The following BRINP1 variants were observed in gnomAD, a reference collection of about 807,000 sequenced individuals.
The protein encoded by BRINP1 is BMP/retinoic acid-inducible neural-specific protein 1.
BRINP1 carries 17 observed loss-of-function variants against 72.9 expected under a neutral mutation model. The ratio of observed to expected loss-of-function variants is 0.23; its 90% CI spans 0.16 to 0.35. BRINP1 has a LOEUF of 0.35. Ranked by LOEUF, BRINP1 falls within the 10% of genes least tolerant of loss-of-function variation. The pLI, the probability that BRINP1 is intolerant of heterozygous loss-of-function variation, is 1.00. For synonymous variants in BRINP1, 418 were observed against 378.5 expected, an observed-to-expected ratio of 1.10 and a Z score of -1.21; for missense variants, 850 against 1,001.6, an observed-to-expected ratio of 0.85 and a Z score of 2.04.
chr9:119,269,868 A>C (rs79978270), intron 2 of BRINP1, among the ~76,000 whole-genome samples: 42 of 152,174 alleles, frequency 2.8e-4, no homozygotes, highest in Non-Finnish European at 4.3e-4. Flanking sequence ...AATAAAAAAA[A>C]ATTCACAGGT....
At chr9:119,349,669 G>A (rs115088938) in intron 1 of BRINP1, among the ~76,000 whole-genome samples, 2 of 152,166 alleles carry the variant, frequency 1.3e-5, no homozygotes, top group Non-Finnish European at 2.9e-5. Flanking sequence ...AAGCATCAGT[G>A]CAGTGAATGT....
At chr9:119,201,307 C>G (rs1829802908) in intron 7 of BRINP1, among the ~76,000 whole-genome samples, 2 of 152,302 alleles carry the variant, frequency 1.3e-5, no homozygotes, top group South Asian at 2.1e-4. Flanking sequence ...CTCAAAGATT[C>G]AATTACTGAC....
intron 1 of BRINP1, among the ~76,000 whole-genome samples, chr9:119,331,396 G>A (rs1206938083): frequency 1.3e-5 from 2 of 152,192 alleles, no homozygotes; most frequent in African/African-American, 4.8e-5. Flanking sequence ...GTTGTTTTGG[G>A]TTTTGGATTT....
intron 7 of BRINP1, among the ~76,000 whole-genome samples, chr9:119,171,467 C>T (rs898568146): frequency 2.0e-4 from 30 of 150,272 alleles, no homozygotes; most frequent in Admixed American, 9.3e-4. Context: ...TACAGGAGCA[C>T]CCAGATTCAT....
intron 1 of BRINP1, among the ~76,000 whole-genome samples, chr9:119,352,813 TC>T (rs1305701036): frequency 1.3e-5 from 2 of 152,260 alleles, no homozygotes; most frequent in Admixed American, 6.5e-5. Flanking sequence ...AATTATGAAA[TC>T]CTGCAACTTA....
At chr9:119,344,156 T>A (rs1010282853) in intron 1 of BRINP1, among the ~76,000 whole-genome samples, 4 of 152,170 alleles carry the variant, frequency 2.6e-5, no homozygotes, top group Non-Finnish European at 4.4e-5. Context: ...TGGTTTAACA[T>A]CTCTTAATCT....
At chr9:119,337,505 G>A (rs1315517028) in intron 1 of BRINP1, among the ~76,000 whole-genome samples, 3 of 152,180 alleles carry the variant, frequency 2.0e-5, no homozygotes, top group African/African-American at 7.2e-5. Flanking sequence ...TCAAATACAA[G>A]AACATAGCCA....
intron 1 of BRINP1, among the ~76,000 whole-genome samples, chr9:119,328,603 A>T (rs1392157151): frequency 1.1e-4 from 16 of 152,178 alleles, no homozygotes; most frequent in Admixed American, 1.0e-3. Context: ...TGGACCAGAC[A>T]CTTGGTAATT....
intron 2 of BRINP1, among the ~76,000 whole-genome samples, chr9:119,257,388 G>A (rs1295751420): frequency 6.6e-6 from 1 of 152,166 alleles, no homozygotes; most frequent in Non-Finnish European, 1.5e-5. Flanking sequence ...AACTCCATGA[G>A]GGGCAAACAT....
At chr9:119,250,976 C>G (rs1333875504) in intron 2 of BRINP1, among the ~76,000 whole-genome samples, 1 of 152,130 alleles carries the variant, frequency 6.6e-6, no homozygotes, top group Non-Finnish European at 1.5e-5. Flanking sequence ...GGGTATCTGG[C>G]CGGAATGTGC....
intron 7 of BRINP1, among the ~76,000 whole-genome samples, chr9:119,197,240 T>A (rs1200582661): frequency 6.6e-6 from 1 of 152,182 alleles, no homozygotes; most frequent in Non-Finnish European, 1.5e-5. Context: ...ATCTGAAAAT[T>A]AAAGGATGAA....
At chr9:119,287,494 C>T (rs898206873) in intron 2 of BRINP1, among the ~76,000 whole-genome samples, 14 of 152,238 alleles carry the variant, frequency 9.2e-5, no homozygotes, top group African/African-American at 3.4e-4. Flanking sequence ...TATGATAACT[C>T]AATTGGTGAG....
intron 1 of BRINP1, among the ~76,000 whole-genome samples, chr9:119,355,585 C>T (rs1402684333): frequency 2.6e-5 from 4 of 151,946 alleles, no homozygotes; most frequent in Non-Finnish European, 4.4e-5. Flanking sequence ...AAAAATTAGC[C>T]GGGCGTGGTG....
At chr9:119,267,815 T>C (rs1462578953) in intron 2 of BRINP1, among the ~76,000 whole-genome samples, 2 of 152,152 alleles carry the variant, frequency 1.3e-5, no homozygotes, top group South Asian at 2.1e-4. Context: ...CACAGATAGA[T>C]AGAGAAGAGG....
chr9:119,184,376 A>C (rs1829593271), intron 7 of BRINP1, among the ~76,000 whole-genome samples: 1 of 152,098 alleles, frequency 6.6e-6, no homozygotes, highest in African/African-American at 2.4e-5. Flanking sequence ...CATAAATAGA[A>C]AGAAAGTTCC....
chr9:119,331,029 AAAAAC>A (rs1424180153), intron 1 of BRINP1, among the ~76,000 whole-genome samples: 4 of 152,240 alleles, frequency 2.6e-5, no homozygotes, highest in Non-Finnish European at 5.9e-5. Context: ...TCCATCTCAA[AAAAAC>A]AAAACAACAG....
At chr9:119,214,271 G>A in intron 5 of BRINP1, 116 bp from the exon 6 acceptor site, 1 of 750,850 alleles carries the variant, frequency 1.3e-6, no homozygotes, top group Non-Finnish European at 2.2e-6. Context: ...CCTGTGTATT[G>A]GAACCAATAT....
At chr9:119,196,146 A>G (rs1829735687) in intron 7 of BRINP1, among the ~76,000 whole-genome samples, 1 of 152,178 alleles carries the variant, frequency 6.6e-6, no homozygotes, top group South Asian at 2.1e-4. Flanking sequence ...AGATGTGACC[A>G]TATTTAAGGC....
intron 2 of BRINP1, 115 bp from the exon 3 acceptor site, chr9:119,249,265 T>G: frequency 1.1e-6 from 1 of 906,494 alleles, no homozygotes; most frequent in Non-Finnish European, 1.6e-6. Flanking sequence ...CCTACAATTT[T>G]AATATGTGTC....
Sources: allele counts gnomAD v4.1 joint callset (sites outside exome capture counted in the v4.1 genomes callset), GRCh38; gene constraint gnomAD v4.1.1; transcripts MANE v1.5; gene names NCBI Gene and HGNC (gene_info 2026-07-23, HGNC 2026-07-21).